Variants in NBEA observed in about 807,000 individuals in gnomAD.
The protein encoded by NBEA is lysosomal-trafficking regulator 2.
Under a neutral mutation model 343.4 loss-of-function variants are expected in NBEA, and 44 were observed. The observed-to-expected ratio is 0.13, with a 90% CI of 0.10 to 0.16. The LOEUF (loss-of-function observed/expected upper bound fraction) is 0.16. NBEA is among the 10% of genes least tolerant of loss of function. The probability of loss-of-function intolerance (pLI) is 1.00; values close to 1 mark genes in which losing one functional copy is unlikely to be tolerated. For synonymous variants in NBEA, 1,175 were observed against 1,238.7 expected (o/e 0.95, Z 1.08); for missense variants, 2,555 against 3,631.3 (o/e 0.70, Z 7.62).
chr13:35,517,812 C>T (rs2077543645), intron 41 of NBEA, among the ~76,000 whole-genome samples: 1 of 152,174 alleles, frequency 6.6e-6, no homozygotes, highest in South Asian at 2.1e-4. Flanking sequence ...CAGTAAACAT[C>T]TTGAAGGCAG....
At chr13:35,421,479 A>G (rs1438309782) in intron 38 of NBEA, among the ~76,000 whole-genome samples, 2 of 152,066 alleles carry the variant, frequency 1.3e-5, no homozygotes, top group East Asian at 3.8e-4. Flanking sequence ...CATTTATAAT[A>G]TAGTTATCTT....
At chr13:35,428,436 A>G (rs1473759365) in intron 38 of NBEA, among the ~76,000 whole-genome samples, 1 of 152,174 alleles carries the variant, frequency 6.6e-6, no homozygotes, top group Non-Finnish European at 1.5e-5. Context: ...TTCAGTTTGC[A>G]TAATTTCTAT....
At chr13:35,363,505 A>G (rs560655304) in intron 38 of NBEA, among the ~76,000 whole-genome samples, 107 of 151,902 alleles carry the variant, frequency 7.0e-4, no homozygotes, top group Non-Finnish European at 1.2e-3. Flanking sequence ...CCTCACCCCA[A>G]AGAGCCTTCC....
intron 10 of NBEA, among the ~76,000 whole-genome samples, chr13:35,076,009 A>G (rs2064099646): frequency 1.3e-5 from 2 of 151,944 alleles, no homozygotes; most frequent in Admixed American, 6.6e-5. Flanking sequence ...CTTAAAAATA[A>G]TATGTGATTG....
intron 10 of NBEA, among the ~76,000 whole-genome samples, chr13:35,079,851 T>C (rs1468683269): frequency 2.0e-5 from 3 of 152,254 alleles, no homozygotes; most frequent in African/African-American, 7.2e-5. Context: ...TCATGGGATG[T>C]GGGCCCTTTT....
chr13:35,199,481 T>A (rs2152744355), intron 31 of NBEA, among the ~76,000 whole-genome samples: 1 of 152,316 alleles, frequency 6.6e-6, no homozygotes, highest in South Asian at 2.1e-4. Flanking sequence ...GGTCGCTTCT[T>A]TGTAACTAAA....
At chr13:35,298,187 A>ATGTGTGTGTGTG (rs1216541038) in intron 35 of NBEA, among the ~76,000 whole-genome samples, 3 of 115,174 alleles carry the variant, frequency 2.6e-5, no homozygotes, top group Non-Finnish European at 5.2e-5. Context: ...GTGTGTGTGT[A>ATGTGTGTGTGTG]TGTGTGTGTG....
At chr13:35,045,158 C>T in intron 3 of NBEA, 111 bp downstream of exon 3, 2 of 1,228,376 alleles carry the variant, frequency 1.6e-6, no homozygotes, top group Non-Finnish European at 2.3e-6. Context: ...AAATTGCTTT[C>T]TTCTTAAATG....
At chr13:35,231,280 A>C (rs1397683597) in intron 33 of NBEA, among the ~76,000 whole-genome samples, 2 of 152,116 alleles carry the variant, frequency 1.3e-5, no homozygotes, top group Non-Finnish European at 2.9e-5. Flanking sequence ...ATCCGATATT[A>C]TTCTCTAATA....
intron 34 of NBEA, among the ~76,000 whole-genome samples, chr13:35,285,111 G>C (rs1181575353): frequency 6.6e-6 from 1 of 152,050 alleles, no homozygotes; most frequent in African/African-American, 2.4e-5. Flanking sequence ...GTGCCATTCA[G>C]CTCTACTAAT....
At chr13:35,572,301 T>A (rs1033140999) in intron 45 of NBEA, among the ~76,000 whole-genome samples, 1 of 152,198 alleles carries the variant, frequency 6.6e-6, no homozygotes, top group African/African-American at 2.4e-5. Context: ...TGAAGCACAG[T>A]CTCTGCTCAT....
intron 45 of NBEA, among the ~76,000 whole-genome samples, chr13:35,569,197 A>G (rs1337763855): frequency 6.6e-6 from 1 of 152,224 alleles, no homozygotes; most frequent in African/African-American, 2.4e-5. Context: ...GAATATTTGA[A>G]TGGCATGCAT....
At chr13:35,304,496 G>A (rs7139987) in intron 35 of NBEA, among the ~76,000 whole-genome samples, 16,270 of 152,062 alleles carry the variant, frequency 0.11, 994 homozygotes, top group East Asian at 0.21. Context: ...TGGGATTATA[G>A]GTGCTCACCA....
In NBEA at chr13:35,323,927, A is replaced by AT. The variant is rs1162499153; in HGVS notation, c.5903+14343dup. Among the ~76,000 whole-genome samples, 12 of 151,770 alleles carry AT rather than the reference A, an allele frequency of 7.9e-5. 1 individual carries two copies. The highest frequency in any genetic ancestry group is 3.9e-4 in the Admixed American group (6 of 15,220). On this transcript the variant is annotated intron_variant, in intron 36 of 58. Coordinates refer to ENST00000379939, the MANE Select transcript of NBEA (RefSeq NM_001385012.1). ...CTTATTTCTTAGAGACACATATCAT[A>AT]TTTTTTTTGTTCTTGGTTTACTCAT...
At chr13:35,157,295 C>G (rs1211647286) in intron 21 of NBEA, 25 bp downstream of exon 21, 4 of 1,487,304 alleles carry the variant, frequency 2.7e-6, no homozygotes, top group Non-Finnish European at 3.6e-6. Context: ...AACATTTTAA[C>G]ATCATCAGAG....
intron 45 of NBEA, among the ~76,000 whole-genome samples, chr13:35,576,796 A>G (rs562133515): frequency 3.9e-5 from 6 of 152,328 alleles, no homozygotes; most frequent in Middle Eastern, 3.4e-3. Flanking sequence ...TGCCAATAGC[A>G]TTATGAGATA....
chr13:35,312,784 A>G (rs1195461736), intron 36 of NBEA, among the ~76,000 whole-genome samples: 1 of 152,192 alleles, frequency 6.6e-6, no homozygotes, highest in Non-Finnish European at 1.5e-5. Context: ...GGATATTTTG[A>G]TGTCAGCTTT....
At chr13:35,015,127 G>GT (rs2061607686) in intron 1 of NBEA, among the ~76,000 whole-genome samples, 1 of 18,318 alleles carries the variant, frequency 5.5e-5, no homozygotes, top group African/African-American at 2.4e-4. Context: ...AACGAGATCT[G>GT]AAAAAAAAAA....
intron 34 of NBEA, among the ~76,000 whole-genome samples, chr13:35,277,129 G>C (rs911711940): frequency 6.6e-6 from 1 of 152,100 alleles, no homozygotes; most frequent in African/African-American, 2.4e-5. Flanking sequence ...ATTCAACAAA[G>C]CTGGTACTTA....
Sources: allele counts gnomAD v4.1 joint callset (sites outside exome capture counted in the v4.1 genomes callset), GRCh38; gene constraint gnomAD v4.1.1; transcripts MANE v1.5; gene names NCBI Gene and HGNC (gene_info 2026-07-23, HGNC 2026-07-21).